Variants in MGAT4A observed in about 807,000 individuals in gnomAD.
The protein encoded by MGAT4A is N-acetylglucosaminyltransferase IVa.
MGAT4A carries 33 observed loss-of-function variants against 74.1 expected under a neutral mutation model. That is an observed-to-expected ratio of 0.45 (90% CI 0.34 to 0.60). The LOEUF (loss-of-function observed/expected upper bound fraction) is 0.60, where lower values mean the gene tolerates loss of function less well. Among genes scored for constraint, MGAT4A ranks in the 20% least tolerant of loss-of-function variants. The pLI is 0.02. For synonymous variants in MGAT4A, 198 were observed against 210.4 expected (o/e 0.94, Z 0.51); for missense variants, 479 against 628.3 (o/e 0.76, Z 2.54).
At chr2:98,701,229 GTATTT>G (rs1202077817) in intron 2 of MGAT4A, among the ~76,000 whole-genome samples, 3 of 152,156 alleles carry the variant, frequency 2.0e-5, no homozygotes, top group Non-Finnish European at 4.4e-5. Flanking sequence ...TAGTTCATTG[GTATTT>G]TATTTAAGAT....
chr2:98,638,029 G>A (rs2104230532), intron 12 of MGAT4A, among the ~76,000 whole-genome samples: 1 of 152,302 alleles, frequency 6.6e-6, no homozygotes, highest in Admixed American at 6.5e-5. Context: ...GTGGGGTGAT[G>A]GGTACACAGG....
chr2:98,665,621 A>ACACC (rs1701818769), intron 4 of MGAT4A, among the ~76,000 whole-genome samples: 2 of 152,258 alleles, frequency 1.3e-5, no homozygotes, highest in African/African-American at 4.8e-5. Flanking sequence ...ACAATGGTAA[A>ACACC]TAACATAGGT....
intron 2 of MGAT4A, among the ~76,000 whole-genome samples, chr2:98,708,370 G>A (rs564266637): frequency 6.6e-6 from 1 of 152,108 alleles, no homozygotes; most frequent in South Asian, 2.1e-4. Context: ...CTGATAATGT[G>A]TTTTATTTTA....
chr2:98,631,669 G>A (rs1192450446), intron 14 of MGAT4A, among the ~76,000 whole-genome samples: 1 of 152,208 alleles, frequency 6.6e-6, no homozygotes, highest in Non-Finnish European at 1.5e-5. Context: ...GACTCCAGGG[G>A]AAAACCATCT....
chr2:98,660,354 C>T (rs951415334), intron 5 of MGAT4A, among the ~76,000 whole-genome samples: 15 of 151,188 alleles, frequency 9.9e-5, no homozygotes, highest in African/African-American at 2.7e-4. Context: ...TGACATTTTT[C>T]TCAGAAATGG....
chr2:98,668,547 C>G (rs143291390), intron 4 of MGAT4A, among the ~76,000 whole-genome samples: 2 of 152,240 alleles, frequency 1.3e-5, no homozygotes, highest in Non-Finnish European at 2.9e-5. Flanking sequence ...CCTCTGCTAG[C>G]GCAGTGCGGA....
chr2:98,696,589 G>A (rs549022965), intron 2 of MGAT4A, among the ~76,000 whole-genome samples: 1 of 152,298 alleles, frequency 6.6e-6, no homozygotes, highest in African/African-American at 2.4e-5. Context: ...CACTAGAAAG[G>A]GGAAATAAGT....
intron 2 of MGAT4A, among the ~76,000 whole-genome samples, chr2:98,681,610 A>G (rs1333947983): frequency 6.6e-6 from 1 of 152,066 alleles, no homozygotes; most frequent in Non-Finnish European, 1.5e-5. Flanking sequence ...TTCAGACTTA[A>G]GCAGTGCCTA....
intron 2 of MGAT4A, among the ~76,000 whole-genome samples, chr2:98,706,944 G>A (rs1302477116): frequency 5.3e-5 from 8 of 151,252 alleles, no homozygotes; most frequent in African/African-American, 7.3e-5. Flanking sequence ...GGCTGGGCAC[G>A]GTGGCTTATG....
intron 6 of MGAT4A, among the ~76,000 whole-genome samples, chr2:98,656,860 G>C (rs1701668639): frequency 6.6e-6 from 1 of 151,968 alleles, no homozygotes; most frequent in African/African-American, 2.4e-5. Flanking sequence ...CGTATATTTT[G>C]CAAAAACCAA....
At chr2:98,728,756 A>AC (rs1432416207) in intron 1 of MGAT4A, among the ~76,000 whole-genome samples, 18 of 151,964 alleles carry the variant, frequency 1.2e-4, no homozygotes, top group Admixed American at 1.1e-3. Flanking sequence ...AAAAAAAAAA[A>AC]AACTTCATAG....
chr2:98,643,183 T>TA (rs948224007), intron 10 of MGAT4A, among the ~76,000 whole-genome samples: 113 of 151,960 alleles, frequency 7.4e-4, no homozygotes, highest in African/African-American at 1.8e-3. Context: ...TTACTCTTTT[T>TA]AAAAAAAAAT....
At chr2:98,651,693 G>A (rs1367988687) in intron 8 of MGAT4A, among the ~76,000 whole-genome samples, 1 of 152,022 alleles carries the variant, frequency 6.6e-6, no homozygotes, top group African/African-American at 2.4e-5. Flanking sequence ...AAAGTAAATG[G>A]CAATAGTAAG....
intron 2 of MGAT4A, among the ~76,000 whole-genome samples, chr2:98,717,378 CAA>C (rs35974409): frequency 1.2e-4 from 11 of 92,868 alleles, no homozygotes; most frequent in Non-Finnish European, 1.4e-4. Context: ...GACTCCATCT[CAA>C]AAAAAAAAAA....
Position 98,623,819 on chromosome 2 carries a change from A to G in MGAT4A, c.*1747T>C. On this transcript the variant is annotated 3_prime_UTR_variant, in exon 16 of 16. Transcript: ENST00000393487. Reference sequence around the variant, plus strand: ...TGCTATTTCATGCTGTTGGTTCAGCACATTGGGTAACTAGATGAAGCTCCT... The same window carrying G: ...TGCTATTTCATGCTGTTGGTTCAGCGCATTGGGTAACTAGATGAAGCTCCT... 1.0e-6 allele frequency: 1 copy of G among 985,456 alleles called. No homozygotes were observed. Among genetic ancestry groups the G allele is most frequent in the Non-Finnish European group, 1.2e-6 (1 of 829,966 alleles). The allele number at this position is 985,456 out of a possible 1,614,324, so 61.0% of individuals were successfully genotyped here.
intron 1 of MGAT4A, among the ~76,000 whole-genome samples, chr2:98,727,628 T>TA (rs1179401313): frequency 6.6e-5 from 10 of 152,088 alleles, no homozygotes; most frequent in Admixed American, 2.6e-4. Flanking sequence ...GGGGAGTTAA[T>TA]ATACCTCGAA....
chr2:98,663,946 G>T (rs1208825851), intron 4 of MGAT4A, among the ~76,000 whole-genome samples: 1 of 152,078 alleles, frequency 6.6e-6, no homozygotes, highest in African/African-American at 2.4e-5. Flanking sequence ...AGTGGTTCAC[G>T]CCTGTAATCC....
chr2:98,715,045 G>A (rs2104329219), intron 2 of MGAT4A, among the ~76,000 whole-genome samples: 1 of 152,262 alleles, frequency 6.6e-6, no homozygotes, highest in South Asian at 2.1e-4. Context: ...GCTGGGCGTG[G>A]TGACTCAAGC....
At position 98,623,184 on chromosome 2, in the gene MGAT4A, T is replaced by C. The variant is rs899073119; in HGVS notation, c.*2382A>G. ...AAAAGTCCTGGAATGATAGGAAAGATTTGGCTAAAAGGAGTCTTGGGAACA... is the reference window on the plus strand; with the variant it reads ...AAAAGTCCTGGAATGATAGGAAAGACTTGGCTAAAAGGAGTCTTGGGAACA... On this transcript the variant is annotated 3_prime_UTR_variant, in exon 16 of 16. Transcript: ENST00000393487. The C allele has an allele frequency of 1.5e-5, 15 of 985,206 alleles. No individual in the cohort carries two copies. The Admixed American group carries it at 3.7e-4, about 24-fold the overall frequency. The allele number at this position is 985,206 out of a possible 1,614,324, so 61.0% of individuals were successfully genotyped here.
Sources: gnomAD v4.1 joint callset for allele counts (sites outside exome capture counted in the v4.1 genomes callset) on GRCh38, gnomAD v4.1.1 for gene constraint, MANE v1.5 for transcripts, NCBI Gene and HGNC (gene_info 2026-07-23, HGNC 2026-07-21) for gene names.